The following SLC30A8 variants were observed in gnomAD, a reference collection of about 807,000 sequenced individuals.
The protein encoded by SLC30A8 is solute carrier family 30 member 8, also known as proton-coupled zinc antiporter SLC30A8.
A neutral mutation model predicts 36.9 loss-of-function variants in SLC30A8; 27 were observed. The observed-to-expected ratio is 0.73, with a 90% CI of 0.54 to 1.01. SLC30A8 has a LOEUF of 1.01. Among genes scored for constraint, SLC30A8 ranks in the 50% least tolerant of loss-of-function variants. SLC30A8 has a pLI of 0.00. For missense variants in SLC30A8, 439 were observed against 452.0 expected (o/e 0.97, Z 0.26); for synonymous variants, 164 against 172.4 (o/e 0.95, Z 0.38).
intron 2 of SLC30A8, among the ~76,000 whole-genome samples, chr8:117,113,060 A>G (rs1820299579): frequency 6.6e-6 from 1 of 152,174 alleles, no homozygotes. Context: ...AGCCATAGTC[A>G]CTGCCTTCTA....
chr8:117,104,362 C>T (rs1006558050), intron 2 of SLC30A8, among the ~76,000 whole-genome samples: 1 of 152,174 alleles, frequency 6.6e-6, no homozygotes, highest in African/African-American at 2.4e-5. Flanking sequence ...GCTCTCTACC[C>T]AACAACAGAC....
At chr8:117,075,114 A>G (rs1206289271) in intron 2 of SLC30A8, among the ~76,000 whole-genome samples, 1 of 152,218 alleles carries the variant, frequency 6.6e-6, no homozygotes, top group East Asian at 1.9e-4. Flanking sequence ...CTTGATTTCT[A>G]TAACTAATAT....
chr8:117,170,286 A>G (rs1369293759), intron 6 of SLC30A8, among the ~76,000 whole-genome samples: 1 of 152,156 alleles, frequency 6.6e-6, no homozygotes, highest in Non-Finnish European at 1.5e-5. Context: ...TAGGTCTGGA[A>G]TGGAGTCGTG....
Position 117,172,911 on chromosome 8 carries a change from GTA to G in SLC30A8, c.*235_*236del. Reference sequence around the variant, plus strand: ...TAGCTGTGTTCAATTGCAGGAATGTGTATATAGATTATTCCTGAGTGGAGCCG... The same window carrying G: ...TAGCTGTGTTCAATTGCAGGAATGTGTATAGATTATTCCTGAGTGGAGCCG... On this transcript the variant is annotated 3_prime_UTR_variant, in exon 8 of 8. Transcript: ENST00000456015. The G allele has an allele frequency of 1.8e-6, 1 of 545,966 alleles. No individual in the cohort carries two copies. Among genetic ancestry groups the G allele is most frequent in the Non-Finnish European group, 3.2e-6 (1 of 309,614 alleles). The allele number at this position is 545,966 out of a possible 1,614,324, so 33.8% of individuals were successfully genotyped here.
chr8:117,168,995 A>ATAAAG (rs1452408224), intron 6 of SLC30A8, among the ~76,000 whole-genome samples: 1 of 152,192 alleles, frequency 6.6e-6, no homozygotes, highest in African/African-American at 2.4e-5. Flanking sequence ...ATTGCTATAT[A>ATAAAG]TAAAGTACTT....
At chr8:117,157,269 C>T (rs1045003168) in intron 3 of SLC30A8, among the ~76,000 whole-genome samples, 5 of 152,116 alleles carry the variant, frequency 3.3e-5, no homozygotes, top group African/African-American at 9.7e-5. Flanking sequence ...AAGGTGCTGG[C>T]ACTGGCAGGT....
In SLC30A8 at chr8:117,154,999, CA is replaced by C. The variant is rs79277904; in HGVS notation, c.418+1910del. 3.4e-3 allele frequency among the ~76,000 whole-genome samples: 520 copies of C among 152,276 alleles called. 9 individuals are homozygous for C. In the East Asian group the frequency reaches 0.061, roughly 18 times the overall value. On this transcript the variant is annotated intron_variant, in intron 3 of 7. Coordinates refer to ENST00000456015, the MANE Select transcript of SLC30A8 (RefSeq NM_173851.3). ...AAAATTTACTTAATTTCATTTTAAG[CA>C]GCCATGCATGATTGGTGGCTACCAT... is the stretch of plus-strand genomic sequence containing the variant.
At chr8:117,137,915 C>T (rs1278481967) in intron 1 of SLC30A8, among the ~76,000 whole-genome samples, 2 of 151,774 alleles carry the variant, frequency 1.3e-5, no homozygotes, top group South Asian at 2.1e-4. Flanking sequence ...ACAGGAATTG[C>T]TGGAGGTAAT....
intron 3 of SLC30A8, among the ~76,000 whole-genome samples, chr8:117,155,078 A>G (rs1822406780): frequency 6.6e-6 from 1 of 152,186 alleles, no homozygotes; most frequent in Admixed American, 6.5e-5. Flanking sequence ...TTCATACGCA[A>G]CACACCCATA....
chr8:117,011,123 GTAAC>G (rs529713600), intron 1 of SLC30A8, among the ~76,000 whole-genome samples: 58 of 152,284 alleles, frequency 3.8e-4, no homozygotes, highest in African/African-American at 1.4e-3. Flanking sequence ...GAGAACGAGG[GTAAC>G]TCATAGGGAG....
At chr8:117,149,620 TG>T (rs1389123976) in intron 2 of SLC30A8, among the ~76,000 whole-genome samples, 1 of 152,180 alleles carries the variant, frequency 6.6e-6, no homozygotes, top group African/African-American at 2.4e-5. Context: ...ATAATGGTGG[TG>T]GTTACATCAA....
intron 2 of SLC30A8, among the ~76,000 whole-genome samples, chr8:117,103,988 T>G (rs1428007147): frequency 6.6e-6 from 1 of 152,168 alleles, no homozygotes; most frequent in African/African-American, 2.4e-5. Context: ...GTGGACATCA[T>G]GGGGATCATG....
chr8:117,159,088 C>T (rs530266453), intron 4 of SLC30A8, among the ~76,000 whole-genome samples: 3 of 152,124 alleles, frequency 2.0e-5, no homozygotes, highest in Non-Finnish European at 4.4e-5. Flanking sequence ...CCTCTGGAAG[C>T]TAGAAAAGAC....
At chr8:117,062,047 A>T (rs1281729974) in intron 2 of SLC30A8, among the ~76,000 whole-genome samples, 1 of 152,130 alleles carries the variant, frequency 6.6e-6, no homozygotes, top group Non-Finnish European at 1.5e-5. Context: ...AACCATTGAG[A>T]TGTGCCCTAG....
At chr8:117,039,709 C>T (rs1817323063) in intron 2 of SLC30A8, among the ~76,000 whole-genome samples, 1 of 152,192 alleles carries the variant, frequency 6.6e-6, no homozygotes, top group Admixed American at 6.5e-5. Flanking sequence ...TAGTGGGAGG[C>T]ATCAGTGAAT....
chr8:117,035,585 C>T (rs1429189430), intron 1 of SLC30A8, among the ~76,000 whole-genome samples: 3 of 152,294 alleles, frequency 2.0e-5, no homozygotes, highest in South Asian at 4.1e-4. Flanking sequence ...GGACAGTGGC[C>T]CTCTTCTCAC....
At chr8:117,031,579 G>GC (rs1817051281) in intron 1 of SLC30A8, among the ~76,000 whole-genome samples, 3 of 151,746 alleles carry the variant, frequency 2.0e-5, no homozygotes, top group African/African-American at 4.8e-5. Flanking sequence ...TCCCGCCTCA[G>GC]CCTCCCGAGT....
At chr8:117,121,196 T>A (rs1475401233) in intron 2 of SLC30A8, among the ~76,000 whole-genome samples, 2 of 151,984 alleles carry the variant, frequency 1.3e-5, no homozygotes, top group Admixed American at 6.6e-5. Flanking sequence ...CATTCCTGTG[T>A]TTATTGAAGC....
At chr8:117,162,595 G>GT (rs890730230) in intron 5 of SLC30A8, among the ~76,000 whole-genome samples, 4 of 152,130 alleles carry the variant, frequency 2.6e-5, no homozygotes, top group African/African-American at 7.2e-5. Flanking sequence ...AGCTCTGTCT[G>GT]TTTGCATCAC....
Sources: allele counts gnomAD v4.1 joint callset (sites outside exome capture counted in the v4.1 genomes callset), GRCh38; gene constraint gnomAD v4.1.1; transcripts MANE v1.5; gene names NCBI Gene and HGNC (gene_info 2026-07-23, HGNC 2026-07-21).